Variants in MAP2 observed in about 807,000 individuals in gnomAD.
The protein encoded by MAP2 is microtubule-associated protein 2.
MAP2 carries 14 observed loss-of-function variants against 137.6 expected under a neutral mutation model. That is an observed-to-expected ratio of 0.10 (90% confidence interval 0.07 to 0.16). MAP2 has a LOEUF of 0.16. Ranked by LOEUF, MAP2 falls within the 10% of genes least tolerant of loss-of-function variation. The pLI is 1.00. For synonymous variants in MAP2, 786 were observed against 782.3 expected (o/e 1.00, Z -0.08); for missense variants, 2,088 against 2,191.5 (o/e 0.95, Z 0.94).
chr2:209,660,797 G>A (rs1328772564), intron 5 of MAP2, among the ~76,000 whole-genome samples: 6 of 147,036 alleles, frequency 4.1e-5, no homozygotes, highest in African/African-American at 1.5e-4. Flanking sequence ...GCAGTGGCGC[G>A]ATCTCGGCTC....
At chr2:209,630,044 C>T (rs190414867) in intron 4 of MAP2, among the ~76,000 whole-genome samples, 23 of 152,262 alleles carry the variant, frequency 1.5e-4, no homozygotes, top group Admixed American at 1.4e-3. Context: ...AAAACAAAAA[C>T]GGTGCTGATG....
chr2:209,584,294 G>A (rs376262385), intron 3 of MAP2, among the ~76,000 whole-genome samples: 4 of 152,082 alleles, frequency 2.6e-5, no homozygotes, highest in South Asian at 2.1e-4. Context: ...GGGAGACAAC[G>A]TATGGAGGAG....
At position 209,725,753 on chromosome 2, in the gene MAP2, C is replaced by A. The variant is rs781085605; in HGVS notation, c.5118C>A (p.Ser1706=). The A allele has an allele frequency of 1.1e-5, 17 of 1,604,494 alleles. No homozygotes were observed. In the East Asian group the frequency reaches 3.8e-4, roughly 36 times the overall value. The change falls in exon 14 of 16, where the codon TCC becomes TCA. Residue 1706 remains serine, a synonymous_variant. Transcript: ENST00000682079. ...TKKIDLSHVT[S]KCGSLKNIRH... is the part of the protein sequence containing the mutation. Reference sequence around the variant, plus strand: ...AAATAGACCTAAGCCATGTGACATCCAAATGTGGCTCTCTGAAGAACATCC... The same window carrying A: ...AAATAGACCTAAGCCATGTGACATCAAAATGTGGCTCTCTGAAGAACATCC...
chr2:209,441,889 GC>G (rs1296825368), intron 1 of MAP2, among the ~76,000 whole-genome samples: 1 of 151,544 alleles, frequency 6.6e-6, no homozygotes, highest in Non-Finnish European at 1.5e-5. Context: ...GAACTACAGT[GC>G]CGGCATGAGT....
intron 1 of MAP2, among the ~76,000 whole-genome samples, chr2:209,503,975 AAT>A (rs1028400934): frequency 6.6e-6 from 1 of 152,144 alleles, no homozygotes; most frequent in African/African-American, 2.4e-5. Flanking sequence ...ACGCACATGT[AAT>A]CCCAGCTACT....
intron 1 of MAP2, among the ~76,000 whole-genome samples, chr2:209,450,852 T>C (rs375400135): frequency 1.3e-5 from 2 of 152,132 alleles, no homozygotes; most frequent in Non-Finnish European, 1.5e-5. Context: ...CAGTATAGTA[T>C]ATAATATCAG....
Position 209,692,813 on chromosome 2 carries a change from G to A in MAP2, c.643G>A (p.Gly215Ser). The A allele has an allele frequency of 3.1e-6, 5 of 1,612,870 alleles. No homozygotes were observed. In the South Asian group the frequency reaches 3.3e-5, roughly 11 times the overall value. Residue 215 changes from glycine (G) to serine (S), a missense_variant, in exon 8 of 16, where the codon GGC becomes AGC. Transcript: ENST00000682079. ...KTYPDKKDMQ[G>S]TEEEKAPLAL... The stretch of plus-strand genomic sequence containing the variant: ...TTACCCTGATAAAAAGGACATGCAA[G>A]GCACGGAAGAAGAAAAAGCACCCCT...
chr2:209,643,046 G>A (rs2153581573), intron 4 of MAP2, among the ~76,000 whole-genome samples: 1 of 152,270 alleles, frequency 6.6e-6, no homozygotes, highest in Middle Eastern at 3.4e-3. Flanking sequence ...TTGTTCATCT[G>A]TGGATATGTA....
chr2:209,516,280 A>G (rs933840857), intron 2 of MAP2, among the ~76,000 whole-genome samples: 1 of 94,140 alleles, frequency 1.1e-5, no homozygotes, highest in Admixed American at 9.2e-5. Flanking sequence ...TCAGAATGAT[A>G]AAGAGAGTGG....
chr2:209,606,631 C>A (rs537743220), intron 3 of MAP2, among the ~76,000 whole-genome samples: 3 of 152,228 alleles, frequency 2.0e-5, no homozygotes, highest in Admixed American at 2.0e-4. Flanking sequence ...TTAAATTGGA[C>A]ATATGAAAGA....
chr2:209,653,194 A>G lies in MAP2; in HGVS notation c.24A>G (p.Glu8=), dbSNP rs1559488151. The part of the protein sequence containing the change: MADERKD[E]AKAPHWTSAP... The stretch of plus-strand genomic sequence containing the variant: ...GAATGGCAGATGAACGGAAAGATGA[A>G]GCAAAGGCACCTCACTGGACCTCAG... The change falls in exon 5 of 16, where the codon GAA becomes GAG. Residue 8 remains glutamate (E), a synonymous_variant. Coordinates refer to ENST00000682079, the MANE Select transcript of MAP2 (RefSeq NM_001375505.1). The G allele has an allele frequency of 1.2e-6, 2 of 1,602,916 alleles. No homozygotes were observed. Among genetic ancestry groups the G allele is most frequent in the Non-Finnish European group, 1.7e-6 (2 of 1,176,040 alleles).
intron 5 of MAP2, among the ~76,000 whole-genome samples, chr2:209,658,880 A>T (rs929581943): frequency 5.3e-5 from 8 of 152,222 alleles, no homozygotes; most frequent in Non-Finnish European, 1.2e-4. Flanking sequence ...AATATATATA[A>T]AACTACAGCT....
intron 1 of MAP2, among the ~76,000 whole-genome samples, chr2:209,448,935 A>C (rs1453318846): frequency 2.0e-5 from 3 of 152,186 alleles, no homozygotes; most frequent in African/African-American, 7.2e-5. Context: ...CCACCTGCAT[A>C]CTTATGGTAC....
In MAP2 at chr2:209,693,410, G is replaced by C. The variant is rs41265969; in HGVS notation, c.1240G>C (p.Ala414Pro). 3 of 1,613,138 alleles carry C rather than the reference G, an allele frequency of 1.9e-6. No homozygotes were observed. The highest frequency in any genetic ancestry group is 1.1e-5 in the South Asian group (1 of 90,854). ...GAAAGTTTTAGAGGAAGAAAAGGAG[G>C]CCATAAATCAAGAGACTGTGCAGCA... ...MGKVLEEEKE[A>P]INQETVQQRD... Residue 414 changes from alanine (A) to proline (P), a missense_variant, in exon 8 of 16, where the codon GCC becomes CCC. Ala to Pro is a conservative substitution (Grantham distance 27, BLOSUM62 -1). Around this residue, in one of 6 missense-constraint regions of MAP2, gnomAD observed 859 missense variants for 794.5 expected, o/e 1.08. Coordinates refer to ENST00000682079, the MANE Select transcript of MAP2 (RefSeq NM_001375505.1).
intron 1 of MAP2, among the ~76,000 whole-genome samples, chr2:209,450,974 A>G (rs1455604868): frequency 2.8e-5 from 4 of 144,270 alleles, no homozygotes; most frequent in African/African-American, 1.2e-4. Flanking sequence ...GTTATGAAAT[A>G]ATTTTTTTTC....
rs187309472 is a variant in MAP2, at chr2:209,438,090, A to T, written c.-222+13814A>T. On this transcript the variant is annotated intron_variant, in intron 1 of 15. Transcript: ENST00000682079. ...GTTATGGTAGTGAAATATATAAAGT[A>T]TCTCGAATATTAGCAAGAGGTTACA... Among the ~76,000 whole-genome samples the T allele has an allele frequency of 4.5e-3, 682 of 151,804 alleles. 8 individuals carry two copies. Among genetic ancestry groups the T allele is most frequent in the South Asian group, 2.5e-3 (12 of 4,826 alleles).
At chr2:209,451,684 G>A (rs1700354619) in intron 1 of MAP2, among the ~76,000 whole-genome samples, 1 of 152,164 alleles carries the variant, frequency 6.6e-6, no homozygotes, top group Non-Finnish European at 1.5e-5. Flanking sequence ...ATACTAAACA[G>A]GGCTTTAGTG....
intron 13 of MAP2, among the ~76,000 whole-genome samples, chr2:209,711,797 G>A (rs1358344636): frequency 6.6e-6 from 1 of 151,864 alleles, no homozygotes; most frequent in Non-Finnish European, 1.5e-5. Flanking sequence ...TTTTAGCCTT[G>A]GACAAGCTAT....
chr2:209,605,873 G>A (rs984729084), intron 3 of MAP2, among the ~76,000 whole-genome samples: 5 of 152,076 alleles, frequency 3.3e-5, no homozygotes, highest in Non-Finnish European at 7.4e-5. Context: ...TAAATTAACA[G>A]TTGAGTGGTA....
Sources: allele counts gnomAD v4.1 joint callset (sites outside exome capture counted in the v4.1 genomes callset), GRCh38; gene constraint gnomAD v4.1.1; regional missense constraint gnomAD v4.1.1; transcripts MANE v1.5; gene names NCBI Gene and HGNC (gene_info 2026-07-23, HGNC 2026-07-21).